Variants in PRKD1 observed in about 807,000 individuals in gnomAD.
PRKD1 encodes the protein serine/threonine-protein kinase D1.
PRKD1 carries 63 observed loss-of-function variants against 95.9 expected under a neutral mutation model. That is an observed-to-expected ratio of 0.66 (90% CI 0.54 to 0.81). The LOEUF (loss-of-function observed/expected upper bound fraction) is 0.81, where lower values mean the gene tolerates loss of function less well. Ranked by LOEUF, PRKD1 falls within the 30% of genes least tolerant of loss-of-function variation. The probability of loss-of-function intolerance (pLI) is 0.00; values close to 1 mark genes in which losing one functional copy is unlikely to be tolerated. For synonymous variants in PRKD1, 425 were observed against 423.1 expected (o/e 1.00, Z -0.05); for missense variants, 1,048 against 1,165.3 (o/e 0.90, Z 1.47).
chr14:29,889,029 G>T (rs1190190033), intron 1 of PRKD1, among the ~76,000 whole-genome samples: 2 of 152,256 alleles, frequency 1.3e-5, no homozygotes, highest in East Asian at 3.9e-4. Flanking sequence ...GCAAAAACCT[G>T]TGTTTCATGT....
intron 2 of PRKD1, among the ~76,000 whole-genome samples, chr14:29,722,116 G>T (rs963013598): frequency 6.6e-6 from 1 of 152,054 alleles, no homozygotes; most frequent in East Asian, 1.9e-4. Flanking sequence ...GCAGTCCTGT[G>T]TCAGAAAATG....
chr14:29,879,295 C>T (rs753522755), intron 1 of PRKD1, among the ~76,000 whole-genome samples: 7 of 152,170 alleles, frequency 4.6e-5, no homozygotes, highest in African/African-American at 7.2e-5. Context: ...CGCGGTGGGG[C>T]GCGGGTAATT....
intron 1 of PRKD1, among the ~76,000 whole-genome samples, chr14:29,737,275 T>C (rs935947907): frequency 3.1e-5 from 4 of 130,592 alleles, no homozygotes; most frequent in African/African-American, 8.9e-5. Flanking sequence ...TGAGCCGAGA[T>C]TGCGCCACTG....
At chr14:29,733,909 T>A (rs1199778511) in intron 1 of PRKD1, among the ~76,000 whole-genome samples, 7 of 152,096 alleles carry the variant, frequency 4.6e-5, no homozygotes, top group Non-Finnish European at 7.4e-5. Context: ...CTCTCCTAAG[T>A]ATGTTCATGT....
chr14:29,746,705 C>T (rs776695387), intron 1 of PRKD1, among the ~76,000 whole-genome samples: 143 of 152,250 alleles, frequency 9.4e-4, no homozygotes, highest in Non-Finnish European at 1.7e-3. Flanking sequence ...AGCATATTTT[C>T]ATCATCCCTT....
intron 1 of PRKD1, among the ~76,000 whole-genome samples, chr14:29,755,320 C>T (rs1379125081): frequency 6.6e-6 from 1 of 152,054 alleles, no homozygotes; most frequent in African/African-American, 2.4e-5. Flanking sequence ...GCTTTAAAAA[C>T]ATGTACTAAA....
intron 1 of PRKD1, among the ~76,000 whole-genome samples, chr14:29,903,889 A>G (rs1214230649): frequency 6.6e-6 from 1 of 152,138 alleles, no homozygotes; most frequent in Non-Finnish European, 1.5e-5. Flanking sequence ...GTAAAAATAA[A>G]GATACCAAGA....
intron 1 of PRKD1, among the ~76,000 whole-genome samples, chr14:29,913,986 A>G (rs1480328599): frequency 2.6e-5 from 4 of 152,240 alleles, no homozygotes; most frequent in African/African-American, 9.6e-5. Context: ...AAAGTTCAAA[A>G]GTTCCAAATA....
chr14:29,613,686 T>C (rs1412433676), intron 13 of PRKD1, among the ~76,000 whole-genome samples: 2 of 152,186 alleles, frequency 1.3e-5, no homozygotes, highest in Non-Finnish European at 2.9e-5. Context: ...AATTTCTTTT[T>C]GAAAACTTTT....
chr14:29,903,226 C>A (rs1894380505), intron 1 of PRKD1, among the ~76,000 whole-genome samples: 1 of 152,210 alleles, frequency 6.6e-6, no homozygotes, highest in African/African-American at 2.4e-5. Context: ...TTCCCTAAGA[C>A]CTCAGTTGCA....
intron 16 of PRKD1, among the ~76,000 whole-genome samples, chr14:29,584,045 T>C (rs1313590747): frequency 6.6e-6 from 1 of 152,178 alleles, no homozygotes; most frequent in East Asian, 1.9e-4. Context: ...CGAAGTTCTG[T>C]GCAGCCTATT....
intron 1 of PRKD1, among the ~76,000 whole-genome samples, chr14:29,788,080 C>T (rs1283592834): frequency 2.0e-5 from 3 of 152,120 alleles, no homozygotes; most frequent in Admixed American, 6.6e-5. Context: ...ATAGGACTAC[C>T]TTAGTATTTC....
intron 1 of PRKD1, among the ~76,000 whole-genome samples, chr14:29,751,798 C>T (rs762815907): frequency 3.3e-5 from 5 of 152,056 alleles, no homozygotes; most frequent in African/African-American, 7.2e-5. Context: ...TTGGCTAATG[C>T]GATATAAGCA....
At chr14:29,910,966 A>G (rs973442448) in intron 1 of PRKD1, among the ~76,000 whole-genome samples, 3 of 152,240 alleles carry the variant, frequency 2.0e-5, no homozygotes, top group Non-Finnish European at 2.9e-5. Context: ...CACAGGTGAA[A>G]AAATATCTTT....
chr14:29,783,205 C>T (rs554487731), intron 1 of PRKD1, among the ~76,000 whole-genome samples: 3 of 152,178 alleles, frequency 2.0e-5, no homozygotes, highest in Admixed American at 6.5e-5. Flanking sequence ...TCTACCTCCA[C>T]GAAATCAAAT....
chr14:29,711,814 T>A (rs1442618001), intron 2 of PRKD1, among the ~76,000 whole-genome samples: 1 of 152,142 alleles, frequency 6.6e-6, no homozygotes, highest in Non-Finnish European at 1.5e-5. Context: ...TAAGTTTGTG[T>A]CATGCTCAAC....
intron 1 of PRKD1, among the ~76,000 whole-genome samples, chr14:29,804,331 T>C (rs954871713): frequency 6.6e-6 from 1 of 152,136 alleles, no homozygotes; most frequent in African/African-American, 2.4e-5. Context: ...AAAAGCAATG[T>C]TCTCCAGCTA....
At chr14:29,908,916 C>A (rs546210337) in intron 1 of PRKD1, among the ~76,000 whole-genome samples, 1 of 152,294 alleles carries the variant, frequency 6.6e-6, no homozygotes, top group South Asian at 2.1e-4. Context: ...GCCCTTTAGC[C>A]CACTGCTGCA....
intron 1 of PRKD1, among the ~76,000 whole-genome samples, chr14:29,831,799 A>C (rs761349235): frequency 1.6e-4 from 24 of 152,124 alleles, no homozygotes; most frequent in Non-Finnish European, 2.9e-4. Context: ...TTTACTGATT[A>C]TTTAATAATC....
Sources: gnomAD v4.1 joint callset for allele counts (sites outside exome capture counted in the v4.1 genomes callset) on GRCh38, gnomAD v4.1.1 for gene constraint, MANE v1.5 for transcripts, NCBI Gene and HGNC (gene_info 2026-07-23, HGNC 2026-07-21) for gene names.